The following SEMA3A variants were observed in gnomAD, a reference collection of about 807,000 sequenced individuals.
SEMA3A encodes semaphorin 3A, also known as semaphorin-3A.
In SEMA3A, 29 loss-of-function variants were observed where a neutral mutation model predicts 97.9. The observed-to-expected ratio is 0.30, with a 90% confidence interval of 0.22 to 0.40. The LOEUF is 0.40. Ranked by LOEUF, SEMA3A falls within the 10% of genes least tolerant of loss-of-function variation. The pLI is 1.00. For missense variants in SEMA3A, 763 were observed against 951.3 expected (o/e 0.80, Z 2.60); for synonymous variants, 321 against 323.7 (o/e 0.99, Z 0.09).
chr7:84,149,797 C>A (rs920427027), intron 1 of SEMA3A, among the ~76,000 whole-genome samples: 1 of 152,172 alleles, frequency 6.6e-6, no homozygotes, highest in Admixed American at 6.5e-5. Context: ...CTGGCCACAA[C>A]ATTCATTGAA....
chr7:84,470,629 T>A (rs1177722381), intron 1 of SEMA3A, among the ~76,000 whole-genome samples: 1 of 152,096 alleles, frequency 6.6e-6, no homozygotes, highest in Non-Finnish European at 1.5e-5. Context: ...CATATACAGA[T>A]CATGGCTAAT....
At chr7:83,996,556 C>T (rs1790228354) in intron 12 of SEMA3A, among the ~76,000 whole-genome samples, 1 of 152,090 alleles carries the variant, frequency 6.6e-6, no homozygotes, top group Non-Finnish European at 1.5e-5. Flanking sequence ...CTACCTGGGC[C>T]TCCCAAAGTG....
chr7:84,121,075 GGACAGTGCGCAT>G (rs1179600735), intron 3 of SEMA3A, among the ~76,000 whole-genome samples: 7 of 143,578 alleles, frequency 4.9e-5, no homozygotes, highest in Non-Finnish European at 1.1e-4. Context: ...TTATTGCACC[GGACAGTGCGCAT>G]ATCTGCCCTT....
At chr7:84,148,177 A>C (rs1320520507) in intron 1 of SEMA3A, among the ~76,000 whole-genome samples, 2 of 152,184 alleles carry the variant, frequency 1.3e-5, no homozygotes, top group East Asian at 3.9e-4. Context: ...GGCCTCCCAA[A>C]GTGCTGGGAT....
intron 5 of SEMA3A, among the ~76,000 whole-genome samples, chr7:84,047,949 C>A (rs1427322827): frequency 2.0e-5 from 3 of 151,860 alleles, no homozygotes; most frequent in Non-Finnish European, 4.4e-5. Context: ...ACTATGGAGA[C>A]CCTCCAGAAC....
At chr7:84,021,651 T>C (rs1419365497) in intron 6 of SEMA3A, among the ~76,000 whole-genome samples, 1 of 152,232 alleles carries the variant, frequency 6.6e-6, no homozygotes, top group Non-Finnish European at 1.5e-5. Flanking sequence ...CCCTCCATCA[T>C]CTTGTAAACT....
chr7:84,282,714 T>A (rs114001486), intron 3 of SEMA3A, among the ~76,000 whole-genome samples: 1,731 of 152,200 alleles, frequency 0.011, 34 homozygotes, highest in African/African-American at 0.039. Context: ...AAAACTTCCA[T>A]GATAAAATAA....
At chr7:84,447,197 G>A (rs1417862373) in intron 1 of SEMA3A, among the ~76,000 whole-genome samples, 1 of 152,190 alleles carries the variant, frequency 6.6e-6, no homozygotes, top group African/African-American at 2.4e-5. Context: ...GAGTGCTGAC[G>A]AGTATGGGAG....
intron 3 of SEMA3A, among the ~76,000 whole-genome samples, chr7:84,235,458 CT>C (rs1562865091): frequency 6.6e-6 from 1 of 151,838 alleles, no homozygotes; most frequent in African/African-American, 2.4e-5. Flanking sequence ...ATTTTGATTA[CT>C]TTTGATATTA....
At chr7:84,358,730 T>C (rs1313820385) in intron 2 of SEMA3A, among the ~76,000 whole-genome samples, 1 of 152,162 alleles carries the variant, frequency 6.6e-6, no homozygotes, top group African/African-American at 2.4e-5. Context: ...CCTTGGGCAG[T>C]ATGACCATTT....
At chr7:84,380,441 G>C (rs530998893) in intron 1 of SEMA3A, among the ~76,000 whole-genome samples, 1 of 152,276 alleles carries the variant, frequency 6.6e-6, no homozygotes, top group Non-Finnish European at 1.5e-5. Flanking sequence ...ATGGGTTACA[G>C]GAAAACTCTG....
intron 3 of SEMA3A, among the ~76,000 whole-genome samples, chr7:84,225,487 A>G (rs1308985707): frequency 3.3e-5 from 5 of 152,098 alleles, no homozygotes; most frequent in Admixed American, 1.3e-4. Context: ...AGGTTTGTTG[A>G]TCTGCCATTA....
At chr7:84,208,847 A>C (rs1798559712) in intron 3 of SEMA3A, among the ~76,000 whole-genome samples, 1 of 152,194 alleles carries the variant, frequency 6.6e-6, no homozygotes, top group Admixed American at 6.5e-5. Context: ...ATAAAACTAC[A>C]GGTTTCTTAT....
intron 4 of SEMA3A, among the ~76,000 whole-genome samples, chr7:84,109,032 G>A (rs562117061): frequency 2.6e-5 from 4 of 152,108 alleles, no homozygotes; most frequent in East Asian, 3.9e-4. Flanking sequence ...ATCATGCGGA[G>A]GGAGTTCTCT....
chr7:84,071,178 T>C (rs1271916295), intron 4 of SEMA3A, among the ~76,000 whole-genome samples: 1 of 152,164 alleles, frequency 6.6e-6, no homozygotes, highest in Non-Finnish European at 1.5e-5. Context: ...GTCAGCTTCA[T>C]GAGTCACATT....
chr7:84,463,097 C>T (rs1805893806), intron 1 of SEMA3A, among the ~76,000 whole-genome samples: 1 of 152,088 alleles, frequency 6.6e-6, no homozygotes. Context: ...AGTACTGAAT[C>T]AGCAGTTCAA....
intron 6 of SEMA3A, among the ~76,000 whole-genome samples, chr7:84,020,426 C>T (rs954425798): frequency 1.3e-5 from 2 of 150,518 alleles, no homozygotes; most frequent in Non-Finnish European, 3.0e-5. Context: ...GTCAACTTTC[C>T]TATTTTTTTT....
intron 3 of SEMA3A, among the ~76,000 whole-genome samples, chr7:84,289,144 G>A (rs893643167): frequency 4.6e-5 from 7 of 152,026 alleles, no homozygotes; most frequent in Admixed American, 6.6e-5. Context: ...ATTTTCACTC[G>A]TATGTGGGAG....
intron 12 of SEMA3A, among the ~76,000 whole-genome samples, chr7:83,996,401 C>G (rs561794827): frequency 3.4e-5 from 5 of 147,758 alleles, no homozygotes; most frequent in Admixed American, 1.4e-4. Flanking sequence ...TTCCCAGGTT[C>G]AAGCGATTCT....
Sources: gnomAD v4.1 joint callset for allele counts (sites outside exome capture counted in the v4.1 genomes callset) on GRCh38, gnomAD v4.1.1 for gene constraint, MANE v1.5 for transcripts, NCBI Gene and HGNC (gene_info 2026-07-23, HGNC 2026-07-21) for gene names.